LRRC49: variants seen among roughly 807,000 people sequenced by gnomAD.
LRRC49 encodes the protein leucine-rich repeat-containing protein 49.
A neutral mutation model predicts 83.3 loss-of-function variants in LRRC49; 50 were observed. The observed-to-expected ratio is 0.60, with a 90% CI of 0.48 to 0.76. The LOEUF (loss-of-function observed/expected upper bound fraction) is 0.76, where lower values mean the gene tolerates loss of function less well. LRRC49 is among the 30% of genes least tolerant of loss of function. The probability of loss-of-function intolerance (pLI) is 0.00; values close to 1 mark genes in which losing one functional copy is unlikely to be tolerated. For missense variants in LRRC49, 704 were observed against 809.1 expected (o/e 0.87, Z 1.58); for synonymous variants, 286 against 283.3 (o/e 1.01, Z -0.10).
intron 3 of LRRC49, 57 bp downstream of exon 3, chr15:70,895,993 G>A: frequency 1.0e-6 from 1 of 971,866 alleles, no homozygotes; most frequent in East Asian, 2.6e-5. Context: ...AATATTAAGT[G>A]TTTAATAATG....
chr15:70,957,027 T>G (rs1429903405), intron 8 of LRRC49, among the ~76,000 whole-genome samples: 1 of 152,218 alleles, frequency 6.6e-6, no homozygotes, highest in African/African-American at 2.4e-5. Flanking sequence ...TGAAGTTCTT[T>G]ATAATGTATA....
chr15:70,896,821 G>A (rs1337901608), intron 3 of LRRC49, among the ~76,000 whole-genome samples: 1 of 151,928 alleles, frequency 6.6e-6, no homozygotes, highest in Non-Finnish European at 1.5e-5. Flanking sequence ...TTTTATTTCT[G>A]GACCTACTTC....
intron 1 of LRRC49, among the ~76,000 whole-genome samples, chr15:70,864,691 A>G (rs1287401156): frequency 6.6e-6 from 1 of 152,156 alleles, no homozygotes; most frequent in Non-Finnish European, 1.5e-5. Context: ...CACTCAGGGG[A>G]ACTTTTCTGG....
chr15:70,962,777 G>A (rs2036649352), intron 8 of LRRC49, among the ~76,000 whole-genome samples: 1 of 152,236 alleles, frequency 6.6e-6, no homozygotes, highest in South Asian at 2.1e-4. Context: ...CAGACTCTGT[G>A]TCCTCAAGGA....
Position 71,050,535 on chromosome 15 carries a change from T to G in LRRC49, c.*923T>G, listed in dbSNP as rs2039980746. 1 of 152,184 alleles carries G rather than the reference T, an allele frequency of 6.6e-6. No individual in the cohort carries two copies. The highest frequency in any genetic ancestry group is 1.5e-5 in the Non-Finnish European group (1 of 68,036). 9.4% of individuals were successfully genotyped at this position (152,184 alleles called of 1,614,324 possible). On this transcript the variant is annotated 3_prime_UTR_variant, in exon 16 of 16. Coordinates refer to ENST00000260382, the MANE Select transcript of LRRC49 (RefSeq NM_017691.5). The stretch of plus-strand genomic sequence containing the variant: ...TTACCATAGCTAGAGATGATGCCAC[T>G]TCAGAAAAACAATCTTAGTCAATAA...
intron 2 of LRRC49, 123 bp from the exon 3 acceptor site, chr15:70,895,726 T>C (rs1029567394): frequency 7.3e-6 from 4 of 547,214 alleles, no homozygotes; most frequent in Non-Finnish European, 9.5e-6. Context: ...CTTGGCATGA[T>C]GTTTTCAAGG....
intron 5 of LRRC49, 57 bp from the exon 6 acceptor site, chr15:70,911,475 G>A (rs2034548562): frequency 1.1e-5 from 11 of 961,778 alleles, no homozygotes; most frequent in Non-Finnish European, 1.6e-6. Context: ...AGCATACTTT[G>A]ATTTACAGAT....
intron 1 of LRRC49, among the ~76,000 whole-genome samples, chr15:70,855,334 C>CAAA (rs1248762528): frequency 1.2e-4 from 7 of 59,212 alleles, no homozygotes; most frequent in African/African-American, 3.9e-4. Context: ...GACTCCGTCT[C>CAAA]AAAAAAAAAA....
rs1184145050 is a variant in LRRC49, at chr15:71,052,540, A to G, written c.*2928A>G. The G allele has an allele frequency of 6.6e-6, 1 of 152,138 alleles. No homozygotes were observed. The highest frequency in any genetic ancestry group is 1.5e-5 in the Non-Finnish European group (1 of 68,038). The allele number at this position is 152,138 out of a possible 1,614,324, so 9.4% of individuals were successfully genotyped here. On this transcript the variant is annotated 3_prime_UTR_variant, in exon 16 of 16. Transcript: ENST00000260382. ...AAGGCCTGGCATGTAAGACAGTGCA[A>G]CCCTACCATGCTCCTGATCTATTCC...
intron 2 of LRRC49, among the ~76,000 whole-genome samples, chr15:70,875,486 T>C (rs1037412271): frequency 2.0e-5 from 3 of 152,218 alleles, no homozygotes; most frequent in Non-Finnish European, 4.4e-5. Context: ...AGCCGTACTT[T>C]ACAGATGAGG....
At chr15:70,887,136 A>C (rs1490308674) in intron 2 of LRRC49, among the ~76,000 whole-genome samples, 1 of 152,122 alleles carries the variant, frequency 6.6e-6, no homozygotes, top group East Asian at 1.9e-4. Context: ...ATCATAAAAA[A>C]CCTTTCCAAA....
intron 8 of LRRC49, among the ~76,000 whole-genome samples, chr15:70,958,125 T>C (rs16955035): frequency 0.015 from 2,224 of 152,218 alleles, 54 homozygotes; most frequent in African/African-American, 0.05. Flanking sequence ...ACTCTAAACT[T>C]CCATAGAACA....
chr15:71,040,370 T>C (rs1329761225), intron 15 of LRRC49, among the ~76,000 whole-genome samples: 1 of 152,144 alleles, frequency 6.6e-6, no homozygotes, highest in East Asian at 1.9e-4. Context: ...CCCATGGGTG[T>C]AGGTAAAACC....
At chr15:70,977,581 G>T (rs2037250741) in intron 9 of LRRC49, among the ~76,000 whole-genome samples, 1 of 152,092 alleles carries the variant, frequency 6.6e-6, no homozygotes, top group Non-Finnish European at 1.5e-5. Flanking sequence ...GGAGGCGGAG[G>T]TTGCAGTGAG....
chr15:70,948,642 C>G (rs879635301), intron 8 of LRRC49, among the ~76,000 whole-genome samples: 13 of 151,942 alleles, frequency 8.6e-5, no homozygotes, highest in Non-Finnish European at 1.8e-4. Flanking sequence ...GTACTTCCTT[C>G]CTTTCTGGCC....
intron 11 of LRRC49, among the ~76,000 whole-genome samples, chr15:71,000,800 A>G (rs1399830038): frequency 2.0e-5 from 3 of 151,994 alleles, no homozygotes; most frequent in Non-Finnish European, 4.4e-5. Context: ...GCCATTCTTT[A>G]TAGTTTATTA....
chr15:70,963,502 A>C (rs973033316), intron 8 of LRRC49, among the ~76,000 whole-genome samples: 1 of 152,076 alleles, frequency 6.6e-6, no homozygotes, highest in Admixed American at 6.6e-5. Flanking sequence ...GGGATCCTGG[A>C]ACAGAAAAAG....
At chr15:70,889,660 G>A (rs780434547), upstream of LRRC49, among the ~76,000 whole-genome samples, 12 of 152,066 alleles carry the variant, frequency 7.9e-5, no homozygotes, top group African/African-American at 2.4e-4. Context: ...CCTTGGAAGT[G>A]GTGTCTTATC....
At chr15:71,015,941 A>G (rs2038811799) in intron 14 of LRRC49, among the ~76,000 whole-genome samples, 1 of 152,230 alleles carries the variant, frequency 6.6e-6, no homozygotes, top group African/African-American at 2.4e-5. Context: ...AGCTCTAAAA[A>G]TAATTGGATG....
Sources: allele counts gnomAD v4.1 joint callset (sites outside exome capture counted in the v4.1 genomes callset), GRCh38; gene constraint gnomAD v4.1.1; transcripts MANE v1.5; gene names NCBI Gene and HGNC (gene_info 2026-07-23, HGNC 2026-07-21).